The following AMPH variants were observed in gnomAD, a reference collection of about 807,000 sequenced individuals.
AMPH encodes amphiphysin.
AMPH carries 49 observed loss-of-function variants against 99.1 expected under a neutral mutation model. The observed-to-expected ratio is 0.49, with a 90% CI of 0.39 to 0.63. The LOEUF (loss-of-function observed/expected upper bound fraction) is 0.63, where lower values mean the gene tolerates loss of function less well. Ranked by LOEUF, AMPH falls within the 20% of genes least tolerant of loss-of-function variation. The pLI, the probability that AMPH is intolerant of heterozygous loss-of-function variation, is 0.00. For missense variants in AMPH, 759 were observed against 863.4 expected (o/e 0.88, Z 1.52); for synonymous variants, 314 against 317.3 (o/e 0.99, Z 0.11).
chr7:38,612,712 T>C (rs572661038), intron 1 of AMPH, among the ~76,000 whole-genome samples: 264 of 152,328 alleles, frequency 1.7e-3, no homozygotes, highest in African/African-American at 6.2e-3. Flanking sequence ...CAGTAGATGA[T>C]GTCAAATGGT....
Position 38,385,160 on chromosome 7 carries a change from ATAAAG to A in AMPH, c.1981-240_1981-236del, listed in dbSNP as rs554852787. ...ACATTTGCAATGACTTATTGACTGTATAAAGTATAGCTAATGCTTTGTACATTGTG... is the reference window on the plus strand; with the variant it reads ...ACATTTGCAATGACTTATTGACTGTATATAGCTAATGCTTTGTACATTGTG... On this transcript the variant is annotated intron_variant, in intron 20 of 20. Coordinates refer to ENST00000356264, the MANE Select transcript of AMPH (RefSeq NM_001635.4). Among the ~76,000 whole-genome samples the A allele has an allele frequency of 1.5e-4, 23 of 152,310 alleles. No homozygotes were observed. In the East Asian group the frequency reaches 3.9e-3, roughly 26 times the overall value.
intron 18 of AMPH, among the ~76,000 whole-genome samples, chr7:38,392,377 CTTTTTTTTTTTT>C (rs574057389): frequency 2.1e-4 from 9 of 42,030 alleles, no homozygotes; most frequent in South Asian, 1.4e-3. Context: ...CGGCCTGGTT[CTTTTTTTTTTTT>C]TTTTTTTTTT....
chr7:38,631,343 G>A lies in AMPH; in HGVS notation c.9C>T (p.Asp3=). The A allele has an allele frequency of 6.4e-7, 1 of 1,552,258 alleles. No individual in the cohort carries two copies. Among genetic ancestry groups the A allele is most frequent in the South Asian group, 1.2e-5 (1 of 83,750 alleles). The change falls in exon 1 of 21, where the codon GAC becomes GAT. Residue 3 remains aspartate, a synonymous_variant. Coordinates refer to ENST00000356264, the MANE Select transcript of AMPH (RefSeq NM_001635.4). MA[D]IKTGIFAKNV... is the part of the protein sequence containing the mutation. ...TCTTGGCGAAGATGCCCGTCTTGAT[G>A]TCGGCCATGGCTGCGGGTCCGGGGA...
chr7:38,529,441 T>A (rs1212532520), intron 2 of AMPH, among the ~76,000 whole-genome samples: 4 of 152,208 alleles, frequency 2.6e-5, no homozygotes, highest in African/African-American at 9.6e-5. Context: ...ATGCCTCACC[T>A]CAGACATCAC....
chr7:38,465,436 A>G, intron 9 of AMPH, 31 bp downstream of exon 9: 2 of 1,545,708 alleles, frequency 1.3e-6, no homozygotes, highest in Non-Finnish European at 1.8e-6. Flanking sequence ...CAAGCAGGAC[A>G]TTACAGGTGC....
At chr7:38,398,825 G>C (rs1225450075) in intron 17 of AMPH, among the ~76,000 whole-genome samples, 1 of 151,804 alleles carries the variant, frequency 6.6e-6, no homozygotes, top group Non-Finnish European at 1.5e-5. Flanking sequence ...CACCCCCTAC[G>C]TACCCACAAA....
intron 3 of AMPH, among the ~76,000 whole-genome samples, chr7:38,502,824 A>C (rs1220840806): frequency 6.6e-6 from 1 of 152,188 alleles, no homozygotes; most frequent in Non-Finnish European, 1.5e-5. Context: ...CAGTACAACA[A>C]CATATTTACA....
chr7:38,453,112 G>A (rs78242370), intron 11 of AMPH, among the ~76,000 whole-genome samples: 124 of 152,202 alleles, frequency 8.1e-4, no homozygotes, highest in African/African-American at 2.6e-3. Context: ...GAGCCATGTC[G>A]CTTTTCAGAT....
intron 1 of AMPH, among the ~76,000 whole-genome samples, chr7:38,613,185 A>G (rs191211384): frequency 2.0e-5 from 3 of 152,356 alleles, no homozygotes; most frequent in Admixed American, 6.5e-5. Context: ...AGGTCTTCCC[A>G]TCATTCTGAA....
chr7:38,462,738 C>T (rs755265938), intron 10 of AMPH, among the ~76,000 whole-genome samples: 50 of 151,918 alleles, frequency 3.3e-4, no homozygotes, highest in Non-Finnish European at 6.8e-4. Context: ...CTGAGCATGC[C>T]GAGAACGTGG....
chr7:38,486,426 A>C (rs1269241645), intron 5 of AMPH, among the ~76,000 whole-genome samples: 2 of 152,002 alleles, frequency 1.3e-5, no homozygotes, highest in African/African-American at 4.8e-5. Flanking sequence ...AGTAGTAAGG[A>C]GATTTAATAG....
chr7:38,604,311 A>G (rs2195912), intron 1 of AMPH, among the ~76,000 whole-genome samples: 2,332 of 152,366 alleles, frequency 0.015, 29 homozygotes, highest in Non-Finnish European at 0.024. Flanking sequence ...TGACTATCCA[A>G]TGATGGCAGG....
chr7:38,399,861 T>C (rs1042657199), intron 17 of AMPH, among the ~76,000 whole-genome samples: 1 of 152,158 alleles, frequency 6.6e-6, no homozygotes, highest in African/African-American at 2.4e-5. Context: ...AATATATTTA[T>C]GGGGGAAACA....
chr7:38,412,221 A>G (rs1300276579), intron 17 of AMPH, among the ~76,000 whole-genome samples: 2 of 152,168 alleles, frequency 1.3e-5, no homozygotes, highest in Non-Finnish European at 2.9e-5. Context: ...GAAAATGGTT[A>G]ATTTTATTTT....
chr7:38,575,773 C>T (rs529305177), intron 1 of AMPH, among the ~76,000 whole-genome samples: 42 of 152,252 alleles, frequency 2.8e-4, no homozygotes, highest in African/African-American at 9.4e-4. Context: ...CTAATACAGC[C>T]GTCTTGATGC....
chr7:38,584,077 T>A (rs560210932), intron 1 of AMPH, among the ~76,000 whole-genome samples: 27 of 152,332 alleles, frequency 1.8e-4, no homozygotes, highest in South Asian at 1.0e-3. Flanking sequence ...TTTCTTTTTT[T>A]AAAAAAATAA....
chr7:38,510,267 C>T (rs995365498), intron 2 of AMPH, among the ~76,000 whole-genome samples: 5 of 152,182 alleles, frequency 3.3e-5, no homozygotes, highest in South Asian at 2.1e-4. Context: ...GTTGCCTCTC[C>T]CTCTTCTTAT....
At chr7:38,437,345 T>C (rs1584090273) in intron 11 of AMPH, among the ~76,000 whole-genome samples, 2 of 152,152 alleles carry the variant, frequency 1.3e-5, no homozygotes, top group South Asian at 2.1e-4. Flanking sequence ...AAATTCTTTT[T>C]AAAAAAACTT....
intron 1 of AMPH, among the ~76,000 whole-genome samples, chr7:38,552,005 C>A (rs932366927): frequency 2.6e-5 from 4 of 152,112 alleles, no homozygotes; most frequent in African/African-American, 9.7e-5. Context: ...GTTGGAAAAA[C>A]AAAAGATAAA....
Sources: allele counts gnomAD v4.1 joint callset (sites outside exome capture counted in the v4.1 genomes callset), GRCh38; gene constraint gnomAD v4.1.1; transcripts MANE v1.5; gene names NCBI Gene and HGNC (gene_info 2026-07-23, HGNC 2026-07-21).